The following CRACD variants were observed in gnomAD, a reference collection of about 807,000 sequenced individuals.
CRACD encodes capping protein inhibiting regulator of actin dynamics.
CRACD carries 56 observed loss-of-function variants against 106.8 expected under a neutral mutation model. That is an observed-to-expected ratio of 0.52 (90% CI 0.42 to 0.66). The LOEUF (loss-of-function observed/expected upper bound fraction) is 0.66. Ranked by LOEUF, CRACD falls within the 30% of genes least tolerant of loss-of-function variation. CRACD has a pLI of 0.00. For synonymous variants in CRACD, 754 were observed against 670.8 expected (o/e 1.12, Z -1.92); for missense variants, 1,730 against 1,623.2 (o/e 1.07, Z -1.13).
chr4:56,284,320 T>G (rs1308010331), intron 3 of CRACD, among the ~76,000 whole-genome samples: 1 of 56,134 alleles, frequency 1.8e-5, no homozygotes, highest in Non-Finnish European at 3.8e-5. Context: ...AAAAAAAAAT[T>G]GCTGACAAAT....
chr4:56,106,882 A>G (rs1380344007), intron 1 of CRACD, among the ~76,000 whole-genome samples: 1 of 152,230 alleles, frequency 6.6e-6, no homozygotes, highest in Non-Finnish European at 1.5e-5. Flanking sequence ...ACAACTTCTG[A>G]TAATAGTGCC....
At chr4:56,267,877 C>T (rs1048928196) in intron 2 of CRACD, among the ~76,000 whole-genome samples, 1 of 152,308 alleles carries the variant, frequency 6.6e-6, no homozygotes. Context: ...TAGGCTAGCT[C>T]TATAAATGGG....
At chr4:56,071,115 A>G (rs1732633857) in intron 1 of CRACD, among the ~76,000 whole-genome samples, 1 of 152,218 alleles carries the variant, frequency 6.6e-6, no homozygotes, top group African/African-American at 2.4e-5. Flanking sequence ...AATAGATGGC[A>G]TGATAGCCCT....
At chr4:56,243,106 TAG>T (rs1464756950) in intron 2 of CRACD, among the ~76,000 whole-genome samples, 2 of 152,208 alleles carry the variant, frequency 1.3e-5, no homozygotes, top group African/African-American at 4.8e-5. Flanking sequence ...GATGACTGGG[TAG>T]AGTCTGCCTC....
At chr4:56,107,112 ACGGG>A (rs969756419) in intron 1 of CRACD, among the ~76,000 whole-genome samples, 8 of 152,082 alleles carry the variant, frequency 5.3e-5, no homozygotes, top group Admixed American at 2.0e-4. Context: ...AGCTGGGACT[ACGGG>A]CATGTGCCAC....
intron 1 of CRACD, among the ~76,000 whole-genome samples, chr4:56,147,690 T>G (rs866881818): frequency 5.9e-5 from 9 of 152,242 alleles, no homozygotes; most frequent in Non-Finnish European, 5.9e-5. Context: ...GGTAGCTCTA[T>G]GTTTAACCTT....
chr4:56,145,451 AC>A (rs1366749662), intron 1 of CRACD, among the ~76,000 whole-genome samples: 6 of 152,122 alleles, frequency 3.9e-5, no homozygotes, highest in Admixed American at 3.9e-4. Flanking sequence ...AGTTTTCAAA[AC>A]CTTTTTCTCC....
intron 3 of CRACD, among the ~76,000 whole-genome samples, chr4:56,284,184 C>T (rs557114902): frequency 4.9e-4 from 73 of 149,424 alleles, no homozygotes; most frequent in Admixed American, 1.6e-3. Flanking sequence ...TGGGGCACAG[C>T]GGCTCATACC....
rs759430714 is a variant in CRACD, at chr4:56,323,509, G to A, written c.3320G>A (p.Arg1107Gln). ...GGGTTTCGGGAGCAGCAGGCGACGCGGGAGGAGAGAAAGCAAGCCAGAGAG... is the reference window on the plus strand; with the variant it reads ...GGGTTTCGGGAGCAGCAGGCGACGCAGGAGGAGAGAAAGCAAGCCAGAGAG... ...QKGFREQQATREERKQAREAK... is the reference protein window; with the variant it reads ...QKGFREQQATQEERKQAREAK... The change falls in exon 9 of 11, where the codon CGG (arginine) becomes CAG (glutamine). Residue 1107 changes from arginine to glutamine, a missense_variant. By Grantham distance (43) the Arg-to-Gln change is conservative. Around this residue, in one of 5 missense-constraint regions of CRACD, gnomAD observed 1,620 missense variants for 1,481.6 expected, o/e 1.09. Transcript: ENST00000682029. 6.8e-6 allele frequency: 11 copies of A among 1,606,762 alleles called. No homozygotes were observed. Among genetic ancestry groups the A allele is most frequent in the Admixed American group, 1.7e-5 (1 of 57,626 alleles).
intron 5 of CRACD, among the ~76,000 whole-genome samples, 191 bp from the exon 6 acceptor site, chr4:56,310,475 G>C (rs1745073191): frequency 6.6e-6 from 1 of 152,190 alleles, no homozygotes; most frequent in South Asian, 2.1e-4. Context: ...TGCACCCTCT[G>C]TGTCTCAGGT....
At chr4:56,281,227 C>T (rs1481669232) in intron 3 of CRACD, among the ~76,000 whole-genome samples, 1 of 152,026 alleles carries the variant, frequency 6.6e-6, no homozygotes, top group Admixed American at 6.5e-5. Context: ...ATTAGATTCT[C>T]ATGGGAGCAT....
intron 2 of CRACD, among the ~76,000 whole-genome samples, chr4:56,222,127 A>G (rs1739074974): frequency 6.6e-6 from 1 of 152,260 alleles, no homozygotes; most frequent in Non-Finnish European, 1.5e-5. Context: ...TTGCAAAGAT[A>G]TGGAGCCAAT....
Position 56,147,862 on chromosome 4 carries a change from A to G in CRACD, c.-335-31422A>G, listed in dbSNP as rs565605114. ...TATGTGCTTGTGTCCCCCAAAATTC[A>G]TATGATAAAGCCCTAATTGCTAACA... On this transcript the variant is annotated intron_variant, in intron 1 of 10. Transcript: ENST00000682029. 2.0e-5 allele frequency among the ~76,000 whole-genome samples: 3 copies of G among 152,308 alleles called. No homozygotes were observed. The South Asian group carries it at 6.2e-4, about 32-fold the overall frequency.
At chr4:56,174,893 A>G (rs1317357056) in intron 1 of CRACD, among the ~76,000 whole-genome samples, 1 of 152,252 alleles carries the variant, frequency 6.6e-6, no homozygotes, top group African/African-American at 2.4e-5. Context: ...ATTTACAATC[A>G]TGACAGAAGG....
chr4:56,064,599 T>C (rs1732395502), intron 1 of CRACD, among the ~76,000 whole-genome samples: 6 of 152,212 alleles, frequency 3.9e-5, no homozygotes, highest in Admixed American at 3.9e-4. Flanking sequence ...CTGGGAACTG[T>C]GGTCTGAGAT....
At position 56,315,437 on chromosome 4, in the gene CRACD, G is replaced by A. The variant is rs527908970; in HGVS notation, c.1935G>A (p.Ala645=). Residue 645 remains alanine, a synonymous_variant, in exon 8 of 11, where the codon GCG becomes GCA. Transcript: ENST00000682029. This position sits in a 1 kb window ranked among gnomAD's most constrained non-coding sequence, Gnocchi z 4.1. ...GENPPRGPGD[A]RAGSGKAKPR... The stretch of plus-strand genomic sequence containing the variant: ...ACCCTCCCCGAGGCCCCGGCGACGC[G>A]AGGGCGGGCAGCGGGAAGGCTAAGC... The A allele has an allele frequency of 1.5e-5, 24 of 1,612,800 alleles. No homozygotes were observed. The Admixed American group carries it at 3.3e-4, about 22-fold the overall frequency.
At chr4:56,323,025 AAAC>A (rs1295801095) in intron 8 of CRACD, among the ~76,000 whole-genome samples, 1 of 152,212 alleles carries the variant, frequency 6.6e-6, no homozygotes, top group Non-Finnish European at 1.5e-5. Context: ...AAACTCTGTC[AAAC>A]AACAACAAAA....
At chr4:56,056,019 A>G (rs1414088690) in intron 1 of CRACD, among the ~76,000 whole-genome samples, 1 of 152,232 alleles carries the variant, frequency 6.6e-6, no homozygotes, top group East Asian at 1.9e-4. Context: ...ATGGTTATCA[A>G]ATATTTTTCT....
At chr4:56,153,499 A>G (rs1416578188) in intron 1 of CRACD, among the ~76,000 whole-genome samples, 2 of 151,534 alleles carry the variant, frequency 1.3e-5, no homozygotes, top group Non-Finnish European at 2.9e-5. Flanking sequence ...CTTCTCTCCA[A>G]ATCCTCTTGG....
Sources: allele counts gnomAD v4.1 joint callset (sites outside exome capture counted in the v4.1 genomes callset), GRCh38; gene constraint gnomAD v4.1.1; regional missense constraint gnomAD v4.1.1; non-coding constraint Gnocchi (gnomAD v3.1); transcripts MANE v1.5; gene names NCBI Gene and HGNC (gene_info 2026-07-23, HGNC 2026-07-21).